The following ATP8A2 variants were observed in gnomAD, a reference collection of about 807,000 sequenced individuals.
The protein encoded by ATP8A2 is ATPase phospholipid transporting 8A2, also known as phospholipid-transporting ATPase IB.
In ATP8A2, 100 loss-of-function variants were observed where a neutral mutation model predicts 165.6. The observed-to-expected ratio is 0.60, with a 90% confidence interval of 0.51 to 0.71. The LOEUF (loss-of-function observed/expected upper bound fraction) is 0.71, where lower values mean the gene tolerates loss of function less well. Among genes scored for constraint, ATP8A2 ranks in the 30% least tolerant of loss-of-function variants. ATP8A2 has a pLI of 0.00. For synonymous variants in ATP8A2, 543 were observed against 548.8 expected (o/e 0.99, Z 0.15); for missense variants, 1,227 against 1,479.5 (o/e 0.83, Z 2.80).
At chr13:25,587,609 A>G (rs749179670) in intron 23 of ATP8A2, among the ~76,000 whole-genome samples, 69 of 152,254 alleles carry the variant, frequency 4.5e-4, no homozygotes, top group Non-Finnish European at 3.8e-4. Context: ...ATCCTTTTGC[A>G]TTAGTTACAC....
intron 35 of ATP8A2, among the ~76,000 whole-genome samples, chr13:25,969,888 G>A (rs571584875): frequency 5.1e-4 from 78 of 152,216 alleles, no homozygotes; most frequent in Admixed American, 1.5e-3. Flanking sequence ...TAACCACTAC[G>A]CGTGGTTGAG....
intron 1 of ATP8A2, among the ~76,000 whole-genome samples, chr13:25,388,062 CA>C (rs60007640): frequency 0.021 from 3,124 of 149,206 alleles, 103 homozygotes; most frequent in African/African-American, 0.07. Context: ...GACTCCATCT[CA>C]AAAAAAAAAA....
chr13:25,937,258 A>G (rs964640490), intron 33 of ATP8A2, among the ~76,000 whole-genome samples: 3 of 151,934 alleles, frequency 2.0e-5, no homozygotes, highest in South Asian at 2.1e-4. Flanking sequence ...GTACCCTTGT[A>G]GTAAATATTC....
At chr13:25,850,091 A>G (rs1360227295) in intron 30 of ATP8A2, among the ~76,000 whole-genome samples, 1 of 152,162 alleles carries the variant, frequency 6.6e-6, no homozygotes, top group Non-Finnish European at 1.5e-5. Flanking sequence ...AGCCCTCACC[A>G]GTGTTGGACC....
Position 25,574,840 on chromosome 13 carries a change from T to C in ATP8A2, c.1695T>C (p.Asn565=), listed in dbSNP as rs370064010. The C allele has an allele frequency of 6.4e-6, 10 of 1,556,972 alleles. No homozygotes were observed. In the East Asian group the frequency reaches 1.6e-4, roughly 24 times the overall value. Residue 565 remains asparagine (N), a synonymous_variant, in exon 19 of 37, where the codon AAT becomes AAC. Transcript: ENST00000381655. ...AGGAACAAACATTCGGAATCCTTAA[T>C]GTCCTGGAATTTTCTAGGTATGTTT... ...MGQEQTFGIL[N]VLEFSSDRKR...
At chr13:25,869,942 G>T in intron 33 of ATP8A2, among the ~76,000 whole-genome samples, 1 of 152,222 alleles carries the variant, frequency 6.6e-6, no homozygotes, top group East Asian at 1.9e-4. Flanking sequence ...CAAGGACAGA[G>T]GGCTTTGTGT....
rs781613801 is a variant in ATP8A2 at position 26,012,515 on chromosome 13, C to T, written c.3378-16C>T. The T allele has an allele frequency of 1.3e-6, 2 of 1,538,362 alleles. No homozygotes were observed. The highest frequency in any genetic ancestry group is 1.8e-6 in the Non-Finnish European group (2 of 1,140,738). On this transcript the variant is annotated splice_polypyrimidine_tract_variant and intron_variant, in intron 35 of 36. Coordinates refer to ENST00000381655, the MANE Select transcript of ATP8A2 (RefSeq NM_016529.6). ...GTTCAGGTGACAAGAGACTGACGCGCTTGCTTTATCCGCAGGCTGAACGAG... is the reference window on the plus strand; with the variant it reads ...GTTCAGGTGACAAGAGACTGACGCGTTTGCTTTATCCGCAGGCTGAACGAG...
At chr13:25,683,131 C>T (rs2042529184) in intron 24 of ATP8A2, among the ~76,000 whole-genome samples, 1 of 152,100 alleles carries the variant, frequency 6.6e-6, no homozygotes, top group Admixed American at 6.6e-5. Flanking sequence ...GCTGATATTA[C>T]AATTTGAGGT....
intron 24 of ATP8A2, among the ~76,000 whole-genome samples, chr13:25,621,083 T>C (rs1283720370): frequency 6.6e-6 from 1 of 152,168 alleles, no homozygotes; most frequent in Non-Finnish European, 1.5e-5. Flanking sequence ...GTTGGATTTA[T>C]TGGTCTAAGT....
At chr13:25,887,112 C>T (rs2138877698) in intron 33 of ATP8A2, among the ~76,000 whole-genome samples, 1 of 152,176 alleles carries the variant, frequency 6.6e-6, no homozygotes, top group East Asian at 1.9e-4. Context: ...CTGGGTGGAA[C>T]AGAGGATGAG....
chr13:25,525,825 C>T (rs2137875285), intron 2 of ATP8A2, among the ~76,000 whole-genome samples: 1 of 152,184 alleles, frequency 6.6e-6, no homozygotes, highest in South Asian at 2.1e-4. Context: ...TCTGACATTC[C>T]TGTACCTGGA....
At chr13:25,426,109 G>A (rs558943400) in intron 1 of ATP8A2, among the ~76,000 whole-genome samples, 2 of 152,298 alleles carry the variant, frequency 1.3e-5, no homozygotes, top group South Asian at 2.1e-4. Context: ...GTGGAGCATT[G>A]TGTTAGGCCA....
At chr13:25,813,387 G>GATATGAT (rs1950926723) in intron 27 of ATP8A2, among the ~76,000 whole-genome samples, 2 of 93,940 alleles carry the variant, frequency 2.1e-5, no homozygotes, top group Admixed American at 1.2e-4. Context: ...GATGATATAT[G>GATATGAT]ATATGATATG....
At chr13:25,723,729 G>A (rs993263141) in intron 25 of ATP8A2, among the ~76,000 whole-genome samples, 2 of 152,064 alleles carry the variant, frequency 1.3e-5, no homozygotes, top group African/African-American at 4.8e-5. Context: ...GTCCAAGATG[G>A]CGCCAGGATT....
chr13:25,720,210 C>T (rs1419139440), intron 25 of ATP8A2, among the ~76,000 whole-genome samples: 2 of 139,514 alleles, frequency 1.4e-5, no homozygotes, highest in Non-Finnish European at 3.0e-5. Context: ...CTCTGTCGCC[C>T]AGGCTGGACT....
intron 2 of ATP8A2, among the ~76,000 whole-genome samples, chr13:25,500,775 G>A (rs1349601538): frequency 6.6e-6 from 1 of 152,080 alleles, no homozygotes; most frequent in East Asian, 1.9e-4. Context: ...TAGAGGTGGG[G>A]TTTTGCCACA....
chr13:25,664,562 A>G (rs2042112368), intron 24 of ATP8A2, among the ~76,000 whole-genome samples: 1 of 152,324 alleles, frequency 6.6e-6, no homozygotes, highest in Admixed American at 6.5e-5. Context: ...TGTTCAAGCC[A>G]GAGAGAGCAG....
chr13:25,614,415 A>G (rs1012764330), intron 24 of ATP8A2, among the ~76,000 whole-genome samples: 2 of 151,900 alleles, frequency 1.3e-5, no homozygotes, highest in African/African-American at 2.4e-5. Context: ...TTCTGTCCAT[A>G]TCCTGTAACA....
At chr13:25,815,240 T>C (rs1289336865) in intron 27 of ATP8A2, among the ~76,000 whole-genome samples, 1 of 152,126 alleles carries the variant, frequency 6.6e-6, no homozygotes, top group Non-Finnish European at 1.5e-5. Context: ...TTCAAAAGAT[T>C]CTATCAACAG....
Sources: gnomAD v4.1 joint callset for allele counts (sites outside exome capture counted in the v4.1 genomes callset) on GRCh38, gnomAD v4.1.1 for gene constraint, MANE v1.5 for transcripts, NCBI Gene and HGNC (gene_info 2026-07-23, HGNC 2026-07-21) for gene names.